The following EBPL variants were observed in gnomAD, a reference collection of about 807,000 sequenced individuals.
EBPL encodes the protein EBP like, also known as emopamil-binding protein-like.
A neutral mutation model predicts 19.0 loss-of-function variants in EBPL; 20 were observed. The ratio of observed to expected loss-of-function variants is 1.05; its 90% CI spans 0.74 to 1.53. The LOEUF (loss-of-function observed/expected upper bound fraction) is 1.53, where lower values mean the gene tolerates loss of function less well. Ranked by LOEUF, EBPL falls within the 40% of genes most tolerant of loss-of-function variation. The probability of loss-of-function intolerance (pLI) is 0.00; values close to 1 mark genes in which losing one functional copy is unlikely to be tolerated. For missense variants in EBPL, 219 were observed against 261.1 expected (o/e 0.84, Z 1.11); for synonymous variants, 107 against 117.0 (o/e 0.91, Z 0.55).
chr13:49,691,138 A>G, intron 1 of EBPL, 116 bp downstream of exon 1: 1 of 964,164 alleles, frequency 1.0e-6, no homozygotes. Flanking sequence ...TTCCTGCAGC[A>G]GGGGGAGGGG....
chr13:49,668,438 G>T lies in EBPL; in HGVS notation c.241+1339C>A, dbSNP rs1397828035. The T allele has an allele frequency of 2.6e-5, 6 of 234,688 alleles. No homozygotes were observed. In the East Asian group the frequency reaches 1.0e-3, roughly 40 times the overall value. The allele number at this position is 234,688 out of a possible 1,614,324, so 14.5% of individuals were successfully genotyped here. Reference sequence around the variant, plus strand: ...AATACAAAAAAATTAGCTAGGCGTGGTGGCGGGCGCCTGTAGTCCCAGCTA... The same window carrying T: ...AATACAAAAAAATTAGCTAGGCGTGTTGGCGGGCGCCTGTAGTCCCAGCTA... On this transcript the variant is annotated intron_variant, in intron 2 of 3. Transcript: ENST00000242827.
intron 1 of EBPL, among the ~76,000 whole-genome samples, chr13:49,678,667 A>G (rs1170239895): frequency 1.3e-5 from 2 of 151,568 alleles, no homozygotes; most frequent in East Asian, 3.9e-4. Context: ...CTCTCCCTCC[A>G]CACCTCTCCA....
intron 3 of EBPL, 91 bp downstream of exon 3, chr13:49,662,966 T>C: frequency 6.6e-7 from 1 of 1,503,870 alleles, no homozygotes; most frequent in Admixed American, 2.0e-5. Flanking sequence ...CTAACAAATA[T>C]ATGTGGTCAC....
intron 1 of EBPL, among the ~76,000 whole-genome samples, chr13:49,675,259 G>A (rs1428138461): frequency 6.6e-6 from 1 of 152,172 alleles, no homozygotes; most frequent in Non-Finnish European, 1.5e-5. Flanking sequence ...AATACTGTAG[G>A]AAATTATAAC....
chr13:49,683,952 T>C (rs1396380737), intron 1 of EBPL, among the ~76,000 whole-genome samples: 1 of 152,212 alleles, frequency 6.6e-6, no homozygotes, highest in Non-Finnish European at 1.5e-5. Context: ...AACTGATAAA[T>C]GGATAAATGA....
intron 2 of EBPL, among the ~76,000 whole-genome samples, chr13:49,666,202 G>A (rs539759078): frequency 2.6e-5 from 4 of 152,198 alleles, no homozygotes; most frequent in Non-Finnish European, 5.9e-5. Context: ...GATGTGATTG[G>A]CTTGTCTGGA....
At chr13:49,688,777 T>C (rs1042291880) in intron 1 of EBPL, among the ~76,000 whole-genome samples, 2 of 150,360 alleles carry the variant, frequency 1.3e-5, no homozygotes, top group Non-Finnish European at 3.0e-5. Flanking sequence ...CATCTTCTAG[T>C]GAACAAGTGA....
chr13:49,678,848 CAAA>C (rs1410325858), intron 1 of EBPL, among the ~76,000 whole-genome samples: 1 of 151,180 alleles, frequency 6.6e-6, no homozygotes, highest in Admixed American at 6.6e-5. Flanking sequence ...TTAAAAAATA[CAAA>C]AAAATAAAAA....
chr13:49,686,251 C>T (rs375292999), intron 1 of EBPL, among the ~76,000 whole-genome samples: 18 of 152,204 alleles, frequency 1.2e-4, no homozygotes, highest in African/African-American at 3.6e-4. Flanking sequence ...GCCATCCTCT[C>T]GCCCAGACCT....
chr13:49,663,842 A>G (rs192886918), intron 2 of EBPL, among the ~76,000 whole-genome samples: 7 of 151,994 alleles, frequency 4.6e-5, no homozygotes, highest in Admixed American at 1.3e-4. Flanking sequence ...GGAGAATGGC[A>G]TGAACCCAGG....
intron 2 of EBPL, among the ~76,000 whole-genome samples, chr13:49,665,944 C>G (rs564592216): frequency 6.6e-6 from 1 of 152,288 alleles, no homozygotes; most frequent in East Asian, 1.9e-4. Context: ...CCTCTCTTCC[C>G]TGTTGGTGAG....
At chr13:49,688,267 C>T (rs1316199227) in intron 1 of EBPL, among the ~76,000 whole-genome samples, 3 of 152,130 alleles carry the variant, frequency 2.0e-5, no homozygotes, top group Non-Finnish European at 4.4e-5. Flanking sequence ...TCATAACGAG[C>T]TGAACTGATG....
intron 1 of EBPL, among the ~76,000 whole-genome samples, chr13:49,671,565 T>C (rs1187313065): frequency 1.3e-5 from 2 of 152,224 alleles, no homozygotes; most frequent in African/African-American, 4.8e-5. Flanking sequence ...CAATTTTTTA[T>C]TTTTAGCAGA....
intron 1 of EBPL, among the ~76,000 whole-genome samples, chr13:49,680,990 A>C (rs77147714): frequency 0.01 from 1,575 of 152,340 alleles, 27 homozygotes; most frequent in African/African-American, 0.036. Flanking sequence ...GTAGCCTTCA[A>C]GAATTTTTCA....
chr13:49,681,415 T>C (rs9568303), intron 1 of EBPL, among the ~76,000 whole-genome samples: 95,825 of 151,930 alleles, frequency 0.63, 31,990 homozygotes, highest in East Asian at 0.76. Flanking sequence ...CTCAGCCTCC[T>C]GAGTAGCTGA....
chr13:49,678,835 A>G (rs760047304), intron 1 of EBPL, among the ~76,000 whole-genome samples: 1 of 151,826 alleles, frequency 6.6e-6, no homozygotes, highest in Non-Finnish European at 1.5e-5. Context: ...TCACCTCTCA[A>G]TATTAAAAAA....
At chr13:49,681,626 A>G (rs1161733120) in intron 1 of EBPL, among the ~76,000 whole-genome samples, 1 of 152,236 alleles carries the variant, frequency 6.6e-6, no homozygotes, top group Non-Finnish European at 1.5e-5. Flanking sequence ...TATTTTATAG[A>G]CTTAAAGACA....
At chr13:49,671,454 C>T (rs1452909410) in intron 1 of EBPL, among the ~76,000 whole-genome samples, 2 of 152,094 alleles carry the variant, frequency 1.3e-5, no homozygotes, top group Non-Finnish European at 2.9e-5. Context: ...AATCATATCC[C>T]TTAAAGGACA....
intron 1 of EBPL, among the ~76,000 whole-genome samples, chr13:49,684,368 A>T (rs1953975017): frequency 6.6e-6 from 1 of 152,238 alleles, no homozygotes; most frequent in Admixed American, 6.5e-5. Flanking sequence ...AACAATAATC[A>T]GTCCAAATAC....
Sources: gnomAD v4.1 joint callset for allele counts (sites outside exome capture counted in the v4.1 genomes callset) on GRCh38, gnomAD v4.1.1 for gene constraint, MANE v1.5 for transcripts, NCBI Gene and HGNC (gene_info 2026-07-23, HGNC 2026-07-21) for gene names.